Variants in SLC37A1 observed in about 807,000 individuals in gnomAD.
SLC37A1 encodes solute carrier family 37 member 1.
A neutral mutation model predicts 75.3 loss-of-function variants in SLC37A1; 49 were observed. That is an observed-to-expected ratio of 0.65 (90% CI 0.52 to 0.83). SLC37A1 has a LOEUF of 0.83. SLC37A1 is among the 40% of genes least tolerant of loss of function. SLC37A1 has a pLI of 0.00. For synonymous variants in SLC37A1, 268 were observed against 292.1 expected, an observed-to-expected ratio of 0.92 and a Z score of 0.84; for missense variants, 566 against 695.0, an observed-to-expected ratio of 0.81 and a Z score of 2.09.
intron 1 of SLC37A1, among the ~76,000 whole-genome samples, chr21:42,517,479 C>T (rs899546331): frequency 6.6e-6 from 1 of 152,152 alleles, no homozygotes; most frequent in African/African-American, 2.4e-5. Flanking sequence ...AGGGAAAAAT[C>T]CTTGGAGAAT....
rs1275393673 is a variant in SLC37A1 at position 42,566,977 on chromosome 21, T to G, written c.1271-8T>G. 2 of 1,605,168 alleles carry G rather than the reference T, an allele frequency of 1.2e-6. No individual in the cohort carries two copies. Among genetic ancestry groups the G allele is most frequent in the South Asian group, 1.1e-5 (1 of 90,770 alleles). On this transcript the variant is annotated splice_polypyrimidine_tract_variant and splice_region_variant and intron_variant, in intron 15 of 19. Transcript: ENST00000352133. ...CATTTCCATTCTTTGCCCCTCTGCC[T>G]CCCACAGCCATGCTGCTGCTCAGCG...
intron 2 of SLC37A1, among the ~76,000 whole-genome samples, chr21:42,521,035 G>A (rs1323906359): frequency 2.0e-5 from 3 of 152,208 alleles, no homozygotes; most frequent in Non-Finnish European, 2.9e-5. Flanking sequence ...GAAGCTGGCC[G>A]CTAGGTGGAG....
At position 42,533,100 on chromosome 21, in the gene SLC37A1, G is replaced by C. The variant is rs112379144; in HGVS notation, c.139-1598G>C. ...TGTTGGCCACTCCCTCCTGAAGAGG[G>C]GGGGCAGGACTTCCGGCTGCTGCCT... On this transcript the variant is annotated intron_variant, in intron 3 of 19. Coordinates refer to ENST00000352133, the MANE Select transcript of SLC37A1 (RefSeq NM_001320537.2). 2.0e-3 allele frequency among the ~76,000 whole-genome samples: 305 copies of C among 152,312 alleles called. 1 individual carries two copies. The highest frequency in any genetic ancestry group is 7.1e-3 in the African/African-American group (294 of 41,562).
intron 2 of SLC37A1, among the ~76,000 whole-genome samples, chr21:42,523,176 T>A (rs8132885): frequency 0.79 from 120,320 of 152,180 alleles, 48,054 homozygotes; most frequent in Admixed American, 0.83. Flanking sequence ...GGCACTGTGG[T>A]TGGAGAATCC....
At chr21:42,551,245 A>G (rs865833267) in intron 9 of SLC37A1, among the ~76,000 whole-genome samples, 3 of 152,252 alleles carry the variant, frequency 2.0e-5, no homozygotes, top group Admixed American at 6.5e-5. Context: ...ACAAAAATCA[A>G]TTGTATTTCT....
intron 5 of SLC37A1, among the ~76,000 whole-genome samples, chr21:42,537,361 G>T (rs2055167554): frequency 6.6e-6 from 1 of 152,126 alleles, no homozygotes. Flanking sequence ...TCCACTTTGA[G>T]GTCAAATGTT....
intron 3 of SLC37A1, among the ~76,000 whole-genome samples, chr21:42,529,368 G>A (rs934630120): frequency 2.6e-5 from 4 of 152,136 alleles, no homozygotes; most frequent in South Asian, 4.2e-4. Flanking sequence ...TCAGCAGTTC[G>A]AGACCAGCCT....
At chr21:42,502,082 C>T (rs528189886) in intron 1 of SLC37A1, among the ~76,000 whole-genome samples, 13 of 152,252 alleles carry the variant, frequency 8.5e-5, no homozygotes, top group Admixed American at 7.2e-4. Context: ...AGAAATGTAA[C>T]GTGTATATTT....
intron 17 of SLC37A1, among the ~76,000 whole-genome samples, chr21:42,569,570 G>GA (rs1332787046): frequency 8.0e-6 from 1 of 124,878 alleles, no homozygotes; most frequent in African/African-American, 2.7e-5. Flanking sequence ...CTCGTGCCTT[G>GA]AGTCTTTGCC....
chr21:42,519,972 G>C (rs2054608018), intron 2 of SLC37A1, among the ~76,000 whole-genome samples: 1 of 151,908 alleles, frequency 6.6e-6, no homozygotes, highest in Non-Finnish European at 1.5e-5. Flanking sequence ...GTTTGTGTGT[G>C]TGTGTGTGTG....
At chr21:42,515,534 G>A (rs1248586739) in intron 1 of SLC37A1, among the ~76,000 whole-genome samples, 2 of 152,196 alleles carry the variant, frequency 1.3e-5, no homozygotes, top group African/African-American at 2.4e-5. Context: ...CTTCTAGGCA[G>A]CGCAGATCAC....
At chr21:42,580,032 T>C (rs1047831167) in intron 19 of SLC37A1, among the ~76,000 whole-genome samples, 2 of 152,206 alleles carry the variant, frequency 1.3e-5, no homozygotes, top group African/African-American at 4.8e-5. Flanking sequence ...TTGCCGTCTT[T>C]GGCATTCTGT....
At chr21:42,575,709 A>T (rs2056294543) in intron 18 of SLC37A1, 1 of 985,364 alleles carries the variant, frequency 1.0e-6, no homozygotes, top group Non-Finnish European at 1.2e-6. Context: ...AAATGAGTTG[A>T]GAATTTCAGA....
At chr21:42,554,965 T>TG (rs2055647487) in intron 10 of SLC37A1, among the ~76,000 whole-genome samples, 1 of 144,816 alleles carries the variant, frequency 6.9e-6, no homozygotes, top group Non-Finnish European at 1.5e-5. Flanking sequence ...GGTTTTTGTT[T>TG]GTTTGGTTGG....
rs2056382831 is a variant in SLC37A1 at position 42,579,732 on chromosome 21, G to A, written c.1522-4G>A. On this transcript the variant is annotated splice_region_variant and splice_polypyrimidine_tract_variant and intron_variant, in intron 18 of 19. Transcript: ENST00000352133. ...CAGGTGGGCTCACCTTTGTTTTGGTGCAGTTCCTGATCCGCCTCATACACA... is the reference window on the plus strand; with the variant it reads ...CAGGTGGGCTCACCTTTGTTTTGGTACAGTTCCTGATCCGCCTCATACACA... The A allele has an allele frequency of 1.2e-6, 2 of 1,614,132 alleles. No homozygotes were observed. The highest frequency in any genetic ancestry group is 1.7e-6 in the Non-Finnish European group (2 of 1,180,030).
chr21:42,575,276 G>A, intron 18 of SLC37A1: 1 of 985,342 alleles, frequency 1.0e-6, no homozygotes, highest in East Asian at 1.1e-4. Flanking sequence ...GGCACCCAGT[G>A]ACAAGATTGT....
chr21:42,570,501 A>C (rs1485709259), intron 17 of SLC37A1, among the ~76,000 whole-genome samples: 1 of 152,064 alleles, frequency 6.6e-6, no homozygotes, highest in East Asian at 1.9e-4. Context: ...TGGGCATCTC[A>C]GTAGGAAGTC....
In SLC37A1 at chr21:42,527,661, G is replaced by C. The variant is rs537729079; in HGVS notation, c.138+1804G>C. 1.7e-3 allele frequency among the ~76,000 whole-genome samples: 253 copies of C among 152,286 alleles called. 1 individual carries two copies. The highest frequency in any genetic ancestry group is 5.7e-3 in the African/African-American group (238 of 41,570). On this transcript the variant is annotated intron_variant, in intron 3 of 19. Transcript: ENST00000352133. ...GCTGCCACACACTCGAGAATTCCCT[G>C]TGGGTCAGGCTGCCTCCAGGGCCCC...
At chr21:42,572,356 C>T (rs2056195429) in intron 17 of SLC37A1, among the ~76,000 whole-genome samples, 1 of 152,142 alleles carries the variant, frequency 6.6e-6, no homozygotes. Flanking sequence ...AATTGGGCCC[C>T]TGTTCGTTTG....
Sources: allele counts gnomAD v4.1 joint callset (sites outside exome capture counted in the v4.1 genomes callset), GRCh38; gene constraint gnomAD v4.1.1; transcripts MANE v1.5; gene names NCBI Gene and HGNC (gene_info 2026-07-23, HGNC 2026-07-21).